Variants in TRDN observed in about 807,000 individuals in gnomAD.
The protein encoded by TRDN is triadin in skeletal muscle.
TRDN carries 161 observed loss-of-function variants against 149.7 expected under a neutral mutation model. The observed-to-expected ratio is 1.08, with a 90% CI of 0.95 to 1.23. The LOEUF is 1.23. Among genes scored for constraint, TRDN ranks in the 50% most tolerant of loss-of-function variants. The probability of loss-of-function intolerance (pLI) is 0.00; values close to 1 mark genes in which losing one functional copy is unlikely to be tolerated. For missense variants in TRDN, 896 were observed against 823.5 expected, an observed-to-expected ratio of 1.09 and a Z score of -1.08; for synonymous variants, 294 against 250.5, an observed-to-expected ratio of 1.17 and a Z score of -1.64.
At position 123,559,769 on chromosome 6, in the gene TRDN, G is replaced by A. The variant is rs559416889; in HGVS notation, c.232+11154C>T. 8.7e-4 allele frequency among the ~76,000 whole-genome samples: 133 copies of A among 152,240 alleles called. 1 individual carries two copies. Among genetic ancestry groups the A allele is most frequent in the South Asian group, 1.7e-3 (8 of 4,826 alleles). On this transcript the variant is annotated intron_variant, in intron 2 of 40. Transcript: ENST00000334268. ...CCTTACAAGTTAGTTCAGGATCTGC[G>A]CCTTATCAACCAAATTGTTTTGCCT...
intron 12 of TRDN, among the ~76,000 whole-genome samples, chr6:123,409,185 A>G (rs922535751): frequency 4.6e-5 from 7 of 152,180 alleles, no homozygotes; most frequent in Non-Finnish European, 1.0e-4. Flanking sequence ...TCATATAGTC[A>G]CTTAGTGATT....
At chr6:123,298,628 T>A (rs781167432) in intron 24 of TRDN, among the ~76,000 whole-genome samples, 1 of 152,222 alleles carries the variant, frequency 6.6e-6, no homozygotes, top group African/African-American at 2.4e-5. Context: ...TCACACATGA[T>A]AAACCATAAT....
intron 10 of TRDN, among the ~76,000 whole-genome samples, chr6:123,451,670 CAAG>C (rs1583052018): frequency 6.6e-6 from 1 of 151,850 alleles, no homozygotes; most frequent in East Asian, 1.9e-4. Flanking sequence ...CCAGACATTC[CAAG>C]AAGAATTGGT....
intron 27 of TRDN, among the ~76,000 whole-genome samples, chr6:123,274,229 C>G (rs1265592517): frequency 6.6e-6 from 1 of 152,004 alleles, no homozygotes; most frequent in Non-Finnish European, 1.5e-5. Context: ...AATTCTTGCT[C>G]TCATTCCCTT....
chr6:123,502,182 T>G (rs1456721153), intron 8 of TRDN: 1 of 984,010 alleles, frequency 1.0e-6, no homozygotes. Flanking sequence ...ATCTAAGTAA[T>G]CATACCAGTG....
intron 1 of TRDN, among the ~76,000 whole-genome samples, chr6:123,582,949 G>A (rs1483528743): frequency 6.6e-6 from 1 of 152,042 alleles, no homozygotes; most frequent in Non-Finnish European, 1.5e-5. Context: ...TTGTTAGAAG[G>A]AATAGTTGTA....
At chr6:123,289,396 A>C (rs2114647560) in intron 24 of TRDN, among the ~76,000 whole-genome samples, 1 of 152,090 alleles carries the variant, frequency 6.6e-6, no homozygotes, top group South Asian at 2.1e-4. Context: ...TGGAGGAATA[A>C]GTTTTAGTAA....
chr6:123,605,316 T>C (rs1319065549), intron 1 of TRDN, among the ~76,000 whole-genome samples: 1 of 149,236 alleles, frequency 6.7e-6, no homozygotes, highest in African/African-American at 2.4e-5. Context: ...TATAAACATA[T>C]ATGTATAAAA....
chr6:123,587,635 A>G (rs543696420), intron 1 of TRDN, among the ~76,000 whole-genome samples: 17 of 152,280 alleles, frequency 1.1e-4, no homozygotes, highest in Non-Finnish European at 1.8e-4. Context: ...AGAGACCACC[A>G]ACAGGCTTTG....
chr6:123,432,059 A>G (rs1774359265), intron 12 of TRDN, among the ~76,000 whole-genome samples: 1 of 152,180 alleles, frequency 6.6e-6, no homozygotes, highest in African/African-American at 2.4e-5. Flanking sequence ...TCCCTTAAAC[A>G]GCACAAATTC....
At chr6:123,374,226 T>TTTGA (rs1284270101) in intron 19 of TRDN, among the ~76,000 whole-genome samples, 1 of 152,092 alleles carries the variant, frequency 6.6e-6, no homozygotes, top group Admixed American at 6.6e-5. Context: ...CCTGATTGGA[T>TTTGA]AGTCTGTTTC....
intron 9 of TRDN, among the ~76,000 whole-genome samples, chr6:123,482,717 CAT>C (rs1324932972): frequency 1.3e-5 from 2 of 152,004 alleles, no homozygotes; most frequent in Non-Finnish European, 2.9e-5. Flanking sequence ...GTACTTTTTT[CAT>C]ATCTATTTGC....
At chr6:123,597,425 G>C (rs927820205) in intron 1 of TRDN, among the ~76,000 whole-genome samples, 1 of 152,052 alleles carries the variant, frequency 6.6e-6, no homozygotes, top group African/African-American at 2.4e-5. Flanking sequence ...TGACAACAAA[G>C]GATTTAGAAT....
chr6:123,224,199 A>G (rs890445677), intron 38 of TRDN, 68 bp from the exon 39 acceptor site: 2 of 1,489,322 alleles, frequency 1.3e-6, no homozygotes, highest in Non-Finnish European at 1.9e-6. Flanking sequence ...GAAGTATTGT[A>G]TTTAAAGGTT....
chr6:123,579,624 C>A (rs2104115), intron 1 of TRDN, among the ~76,000 whole-genome samples: 2 of 152,032 alleles, frequency 1.3e-5, no homozygotes, highest in South Asian at 2.1e-4. Context: ...TGTGCCTCTG[C>A]CAAGTTTTGG....
intron 5 of TRDN, among the ~76,000 whole-genome samples, chr6:123,517,652 C>T (rs1000450678): frequency 6.6e-6 from 1 of 152,074 alleles, no homozygotes; most frequent in African/African-American, 2.4e-5. Flanking sequence ...ATGCTAGTAG[C>T]TCCACAAGCA....
At chr6:123,535,634 G>A (rs1780491363) in intron 4 of TRDN, among the ~76,000 whole-genome samples, 1 of 152,094 alleles carries the variant, frequency 6.6e-6, no homozygotes, top group Admixed American at 6.5e-5. Context: ...AATGGCGATA[G>A]CAATGAAATA....
chr6:123,559,131 G>A (rs1781837765), intron 2 of TRDN, among the ~76,000 whole-genome samples: 1 of 152,218 alleles, frequency 6.6e-6, no homozygotes, highest in Admixed American at 6.5e-5. Flanking sequence ...CACCTCAAAA[G>A]GCTCCTGGAC....
chr6:123,577,134 C>G (rs1782895605), intron 1 of TRDN, among the ~76,000 whole-genome samples: 1 of 152,018 alleles, frequency 6.6e-6, no homozygotes, highest in African/African-American at 2.4e-5. Context: ...AACTAGGTAG[C>G]TATCAACAAG....
Sources: gnomAD v4.1 joint callset for allele counts (sites outside exome capture counted in the v4.1 genomes callset) on GRCh38, gnomAD v4.1.1 for gene constraint, MANE v1.5 for transcripts, NCBI Gene and HGNC (gene_info 2026-07-23, HGNC 2026-07-21) for gene names.